Variants in SLC24A2 observed in about 807,000 individuals in gnomAD.
SLC24A2 encodes solute carrier family 24 member 2, also known as sodium/potassium/calcium exchanger 2.
SLC24A2 carries 36 observed loss-of-function variants against 62.0 expected under a neutral mutation model. The observed-to-expected ratio is 0.58, with a 90% CI of 0.44 to 0.77. SLC24A2 has a LOEUF of 0.77. Ranked by LOEUF, SLC24A2 falls within the 30% of genes least tolerant of loss-of-function variation. The pLI is 0.00. For missense variants in SLC24A2, 846 were observed against 817.9 expected (o/e 1.03, Z -0.42); for synonymous variants, 358 against 294.0 (o/e 1.22, Z -2.23).
the SLC24A2 span, among the ~76,000 whole-genome samples, chr9:20,107,092 C>T: frequency 2.0e-5 from 3 of 152,132 alleles, no homozygotes; most frequent in Admixed American, 6.5e-5. Flanking sequence ...TTCCCATTCA[C>T]AATTGCTTCA....
At chr9:19,941,093 G>A in the SLC24A2 span, among the ~76,000 whole-genome samples, 6 of 152,264 alleles carry the variant, frequency 3.9e-5, no homozygotes, top group South Asian at 1.2e-3. Flanking sequence ...GATGTACACT[G>A]GCTGAGAGGA....
chr9:19,566,871 AAC>A (rs1003801358), intron 7 of SLC24A2, among the ~76,000 whole-genome samples: 34 of 152,212 alleles, frequency 2.2e-4, no homozygotes, highest in Admixed American at 3.9e-4. Flanking sequence ...CAAAAAACCA[AAC>A]ACAGCATGTT....
At chr9:20,116,683 T>C in the SLC24A2 span, among the ~76,000 whole-genome samples, 1 of 152,088 alleles carries the variant, frequency 6.6e-6, no homozygotes, top group South Asian at 2.1e-4. Flanking sequence ...AAAGTAAAAA[T>C]TCAATGCATA....
chr9:19,518,687 T>A (rs1363818741), intron 10 of SLC24A2, among the ~76,000 whole-genome samples: 1 of 152,176 alleles, frequency 6.6e-6, no homozygotes, highest in Non-Finnish European at 1.5e-5. Flanking sequence ...CCCAAAGTGC[T>A]GGGATTACAG....
the SLC24A2 span, among the ~76,000 whole-genome samples, chr9:20,173,797 G>A: frequency 4.6e-5 from 7 of 152,000 alleles, 1 homozygote; most frequent in East Asian, 9.7e-4. Context: ...TAAGTTCAAT[G>A]CAATTCCCAT....
At chr9:19,810,322 G>A in the SLC24A2 span, among the ~76,000 whole-genome samples, 1 of 152,224 alleles carries the variant, frequency 6.6e-6, no homozygotes, top group Non-Finnish European at 1.5e-5. Context: ...GCCAGGTGGA[G>A]CAGGTAAGGT....
intron 2 of SLC24A2, among the ~76,000 whole-genome samples, chr9:19,661,196 C>T (rs1160868725): frequency 1.6e-5 from 2 of 126,038 alleles, no homozygotes; most frequent in African/African-American, 5.2e-5. Context: ...ACTTAAATGA[C>T]CTTTTTTTTT....
At chr9:19,608,134 T>C (rs1287049739) in intron 4 of SLC24A2, among the ~76,000 whole-genome samples, 1 of 152,212 alleles carries the variant, frequency 6.6e-6, no homozygotes. Context: ...CTCATTTGCC[T>C]ATTCATTTAC....
At chr9:19,697,685 A>C (rs1039386678) in intron 2 of SLC24A2, among the ~76,000 whole-genome samples, 3 of 152,202 alleles carry the variant, frequency 2.0e-5, no homozygotes, top group African/African-American at 7.2e-5. Flanking sequence ...AAACATTTAA[A>C]AATATACATT....
the SLC24A2 span, among the ~76,000 whole-genome samples, chr9:19,947,448 G>T: frequency 2.0e-5 from 3 of 149,994 alleles, no homozygotes. Context: ...GGAAGGAAGG[G>T]AAAGAAAGAA....
At chr9:19,609,136 G>A (rs1837073601) in intron 4 of SLC24A2, among the ~76,000 whole-genome samples, 1 of 152,244 alleles carries the variant, frequency 6.6e-6, no homozygotes, top group South Asian at 2.1e-4. Flanking sequence ...TGTGTCCAGT[G>A]CCGTGCCTGC....
At chr9:19,863,373 T>C in the SLC24A2 span, among the ~76,000 whole-genome samples, 1 of 152,144 alleles carries the variant, frequency 6.6e-6, no homozygotes, top group South Asian at 2.1e-4. Context: ...ACTTAATCTG[T>C]ACTCTAGACC....
At chr9:20,011,215 C>T in the SLC24A2 span, among the ~76,000 whole-genome samples, 777 of 152,272 alleles carry the variant, frequency 5.1e-3, 12 homozygotes, top group African/African-American at 0.018. Flanking sequence ...GACTAGTTTA[C>T]AGTCCCACCA....
the SLC24A2 span, among the ~76,000 whole-genome samples, chr9:20,138,117 A>T: frequency 6.6e-6 from 1 of 152,262 alleles, no homozygotes; most frequent in East Asian, 1.9e-4. Flanking sequence ...ACTTTTTTTT[A>T]ATCCTAACCT....
chr9:19,826,996 TAG>T, the SLC24A2 span, among the ~76,000 whole-genome samples: 6 of 152,162 alleles, frequency 3.9e-5, no homozygotes, highest in African/African-American at 1.4e-4. Context: ...TCTTGATATA[TAG>T]AGACATTTTC....
the SLC24A2 span, among the ~76,000 whole-genome samples, chr9:20,129,726 C>A: frequency 1.3e-5 from 2 of 151,916 alleles, no homozygotes; most frequent in Non-Finnish European, 2.9e-5. Context: ...CCAAAATAGG[C>A]AAATCCATGG....
At chr9:20,243,450 T>C in the SLC24A2 span, among the ~76,000 whole-genome samples, 1 of 152,196 alleles carries the variant, frequency 6.6e-6, no homozygotes, top group Non-Finnish European at 1.5e-5. Context: ...TAATACTGTT[T>C]GTGGATACAT....
the SLC24A2 span, among the ~76,000 whole-genome samples, chr9:20,076,819 G>C: frequency 6.9e-6 from 1 of 144,986 alleles, no homozygotes; most frequent in Non-Finnish European, 1.5e-5. Flanking sequence ...GGGGACACAG[G>C]CACACTGATA....
At chr9:19,656,954 C>A (rs1818960137) in intron 2 of SLC24A2, among the ~76,000 whole-genome samples, 1 of 152,204 alleles carries the variant, frequency 6.6e-6, no homozygotes, top group South Asian at 2.1e-4. Flanking sequence ...CCCTCTGGTC[C>A]TTCAGAAGCT....
Sources: allele counts gnomAD v4.1 joint callset (sites outside exome capture counted in the v4.1 genomes callset), GRCh38; gene constraint gnomAD v4.1.1; transcripts MANE v1.5; gene names NCBI Gene and HGNC (gene_info 2026-07-23, HGNC 2026-07-21).